Variants in PATJ observed in about 807,000 individuals in gnomAD.
The protein encoded by PATJ is inaD-like protein.
PATJ carries 190 observed loss-of-function variants against 224.9 expected under a neutral mutation model. The ratio of observed to expected loss-of-function variants is 0.84; its 90% CI spans 0.75 to 0.95. The LOEUF (loss-of-function observed/expected upper bound fraction) is 0.95. Among genes scored for constraint, PATJ ranks in the 40% least tolerant of loss-of-function variants. The pLI is 0.00. For synonymous variants in PATJ, 769 were observed against 820.3 expected (o/e 0.94, Z 1.07); for missense variants, 2,121 against 2,270.3 (o/e 0.93, Z 1.34).
intron 1 of PATJ, among the ~76,000 whole-genome samples, chr1:61,750,815 G>A (rs1202743404): frequency 1.3e-5 from 2 of 151,862 alleles, no homozygotes; most frequent in Admixed American, 1.3e-4. Context: ...TTGAGGGTCA[G>A]GTTGTAAATC....
rs1422543414 is a variant in PATJ at position 62,079,504 on chromosome 1, C to G, written c.4180C>G (p.Gln1394Glu). 1 of 1,613,970 alleles carries G rather than the reference C, an allele frequency of 6.2e-7. No individual in the cohort carries two copies. Among genetic ancestry groups the G allele is most frequent in the South Asian group, 1.1e-5 (1 of 91,060 alleles). The change falls in exon 32 of 44, where the codon CAA becomes GAA. Residue 1394 changes from glutamine (Q) to glutamate (E), a missense_variant. Gln to Glu is a conservative substitution (Grantham distance 29, BLOSUM62 2). Transcript: ENST00000642238. ...KYPTKVSFSS[Q>E]EIPLAPASSY... is the part of the protein sequence containing the mutation. ...TCCAACAAAAGTCTCCTTCAGTTCA[C>G]AAGAGATACCATTAGCACCAGCTTC...
At chr1:61,890,486 T>G (rs1171523182) in intron 22 of PATJ, among the ~76,000 whole-genome samples, 1 of 151,950 alleles carries the variant, frequency 6.6e-6, no homozygotes, top group Non-Finnish European at 1.5e-5. Context: ...CACTATTTTT[T>G]ATTGGTTTTT....
chr1:61,817,051 C>A (rs1348320999), intron 14 of PATJ, among the ~76,000 whole-genome samples: 1 of 152,180 alleles, frequency 6.6e-6, no homozygotes, highest in Non-Finnish European at 1.5e-5. Context: ...TTCCTCAAGA[C>A]AGATGGAAGC....
chr1:61,969,990 G>A (rs894589707), intron 27 of PATJ, among the ~76,000 whole-genome samples: 20 of 152,038 alleles, frequency 1.3e-4, no homozygotes, highest in African/African-American at 3.9e-4. Flanking sequence ...CACCGTGCCC[G>A]GCCCTTGATT....
chr1:62,108,160 A>G (rs1354233254), intron 33 of PATJ, among the ~76,000 whole-genome samples: 1 of 152,244 alleles, frequency 6.6e-6, no homozygotes, highest in Non-Finnish European at 1.5e-5. Context: ...CCTCAAGTTC[A>G]TACACAGCAG....
At chr1:61,908,639 T>A (rs1318258737) in intron 25 of PATJ, among the ~76,000 whole-genome samples, 157 bp downstream of exon 25, 1 of 152,222 alleles carries the variant, frequency 6.6e-6, no homozygotes, top group Admixed American at 6.5e-5. Flanking sequence ...AGGTTCCCTT[T>A]TTTCCCCTCC....
chr1:61,996,053 G>A (rs1050481558), intron 28 of PATJ, among the ~76,000 whole-genome samples: 3 of 152,184 alleles, frequency 2.0e-5, no homozygotes, highest in Non-Finnish European at 4.4e-5. Context: ...TGAGATAGAA[G>A]AAGTATGCAG....
intron 28 of PATJ, among the ~76,000 whole-genome samples, chr1:61,997,012 G>A (rs1327215720): frequency 6.6e-6 from 1 of 152,070 alleles, no homozygotes; most frequent in Admixed American, 6.6e-5. Context: ...AAAGTGCTGG[G>A]ATTACAGGGG....
At chr1:62,006,345 A>G (rs571959722) in intron 28 of PATJ, among the ~76,000 whole-genome samples, 2 of 152,294 alleles carry the variant, frequency 1.3e-5, no homozygotes, top group East Asian at 3.9e-4. Flanking sequence ...CGAACTCCTG[A>G]GCTCAGGCAA....
At chr1:62,065,716 A>G (rs1656294501) in intron 31 of PATJ, among the ~76,000 whole-genome samples, 1 of 152,260 alleles carries the variant, frequency 6.6e-6, no homozygotes, top group African/African-American at 2.4e-5. Context: ...TAACTTGCCC[A>G]GAAGGAATCA....
Position 61,799,430 on chromosome 1 carries a change from C to T in PATJ, c.1402+2002C>T, listed in dbSNP as rs1414964321. ...CAGGCTGGTCTCAAACTCCTGGCCTCGTGATCCACCTGCCTTGGCCTCCCA... is the reference window on the plus strand; with the variant it reads ...CAGGCTGGTCTCAAACTCCTGGCCTTGTGATCCACCTGCCTTGGCCTCCCA... On this transcript the variant is annotated intron_variant, in intron 11 of 43. Transcript: ENST00000642238. Among the ~76,000 whole-genome samples the T allele has an allele frequency of 5.9e-5, 9 of 152,120 alleles. No homozygotes were observed. In the South Asian group the frequency reaches 1.0e-3, roughly 18 times the overall value.
chr1:62,080,753 C>G (rs1167647262), intron 32 of PATJ, among the ~76,000 whole-genome samples: 1 of 151,746 alleles, frequency 6.6e-6, no homozygotes, highest in Non-Finnish European at 1.5e-5. Context: ...GTGGTATTTG[C>G]CTTTTATATA....
At position 61,797,354 on chromosome 1, in the gene PATJ, A is replaced by G. The variant is rs1444665005; in HGVS notation, c.1328A>G (p.Gln443Arg). Residue 443 changes from glutamine (Q) to arginine (R), a missense_variant, in exon 11 of 44, where the codon CAG becomes CGG. By Grantham distance (43) the Gln-to-Arg change is conservative. Coordinates refer to ENST00000642238, the MANE Select transcript of PATJ (RefSeq NM_001350145.3). ...GTTGAAGTATTACGAAATGCAGGGC[A>G]GGTGGTACACCTAACCCTAGTTCGA... Reference protein sequence around the residue: ...DVVEVLRNAGQVVHLTLVRRK... With the variant: ...DVVEVLRNAGRVVHLTLVRRK... 8.7e-6 allele frequency: 14 copies of G among 1,613,922 alleles called. No individual in the cohort carries two copies. Among genetic ancestry groups the G allele is most frequent in the East Asian group, 4.5e-5 (2 of 44,900 alleles).
At chr1:62,148,224 T>C in intron 41 of PATJ, 60 bp from the exon 42 acceptor site, 1 of 1,125,814 alleles carries the variant, frequency 8.9e-7, no homozygotes, top group South Asian at 1.2e-5. Context: ...GGATACAGCA[T>C]GGTTTCTCTA....
chr1:62,009,997 C>T (rs887081081), intron 28 of PATJ, among the ~76,000 whole-genome samples: 1 of 149,030 alleles, frequency 6.7e-6, no homozygotes, highest in African/African-American at 2.5e-5. Flanking sequence ...GCAGGAGAAT[C>T]GCTTGAACCT....
rs993953133 is a variant in PATJ, at chr1:61,913,095, A to C, written c.3493-1492A>C. ...CTTTCTCATTCTAAACTTTATTTAC[A>C]TTCTATATTAAAAATGAAAATTTAA... is the stretch of plus-strand genomic sequence containing the variant. On this transcript the variant is annotated intron_variant, in intron 25 of 43. Coordinates refer to ENST00000642238, the MANE Select transcript of PATJ (RefSeq NM_001350145.3). Among the ~76,000 whole-genome samples the C allele has an allele frequency of 2.6e-5, 4 of 152,204 alleles. No homozygotes were observed. The East Asian group carries it at 7.7e-4, about 29-fold the overall frequency.
chr1:62,089,110 T>C (rs766962986), intron 33 of PATJ, among the ~76,000 whole-genome samples: 1 of 152,180 alleles, frequency 6.6e-6, no homozygotes, highest in East Asian at 1.9e-4. Context: ...AGATTTCCCA[T>C]AGGAAATCGG....
At position 62,061,761 on chromosome 1, in the gene PATJ, G is replaced by A. The variant is rs184517028; in HGVS notation, c.4125+10703G>A. 5.2e-3 allele frequency among the ~76,000 whole-genome samples: 789 copies of A among 152,092 alleles called. 4 individuals carry two copies. The highest frequency in any genetic ancestry group is 8.7e-3 in the Non-Finnish European group (592 of 67,986). On this transcript the variant is annotated intron_variant, in intron 31 of 43. Transcript: ENST00000642238. The stretch of plus-strand genomic sequence containing the variant: ...TGCAAGCTCCGCCTCCCAGGTTCAC[G>A]CCATTCTCCTGCCTCAGCCTCCCGA...
intron 27 of PATJ, chr1:61,951,973 G>A: frequency 5.9e-6 from 1 of 169,290 alleles, no homozygotes; most frequent in Non-Finnish European, 1.3e-5. Context: ...ATTGAAGCTG[G>A]CCACAATAAA....
Sources: gnomAD v4.1 joint callset for allele counts (sites outside exome capture counted in the v4.1 genomes callset) on GRCh38, gnomAD v4.1.1 for gene constraint, MANE v1.5 for transcripts, NCBI Gene and HGNC (gene_info 2026-07-23, HGNC 2026-07-21) for gene names.